Variants in POLI observed in about 807,000 individuals in gnomAD.
POLI encodes DNA polymerase iota.
Under a neutral mutation model 51.6 loss-of-function variants are expected in POLI, and 58 were observed. That is an observed-to-expected ratio of 1.12 (90% CI 0.91 to 1.40). POLI has a LOEUF of 1.40. Among genes scored for constraint, POLI ranks in the 40% most tolerant of loss-of-function variants. The pLI, the probability that POLI is intolerant of heterozygous loss-of-function variation, is 0.00. For missense variants in POLI, 921 were observed against 871.3 expected (o/e 1.06, Z -0.72); for synonymous variants, 322 against 299.7 (o/e 1.07, Z -0.77).
chr18:54,299,780 A>C (rs1381555485), downstream of POLI, among the ~76,000 whole-genome samples: 2 of 152,148 alleles, frequency 1.3e-5, no homozygotes, highest in Non-Finnish European at 2.9e-5. Context: ...GAGCTTGGCA[A>C]ATCCCAGGTA....
chr18:54,290,731 A>C (rs1305409182), intron 8 of POLI, among the ~76,000 whole-genome samples: 1 of 152,194 alleles, frequency 6.6e-6, no homozygotes, highest in Non-Finnish European at 1.5e-5. Flanking sequence ...TCACCAGGAT[A>C]GAAAACCACA....
rs1393988562 is a variant in POLI at position 54,269,555 on chromosome 18, G to C, written c.9G>C (p.Lys3Asn). Residue 3 changes from lysine (K) to asparagine (N), a missense_variant, in exon 1 of 10, where the codon AAG becomes AAC. Transcript: ENST00000579534. ME[K>N]LGVEPEEEGG... ...CGGTTGGCAGCGGCGGGATGGAGAA[G>C]CTGGGGGTGGAGCCGGAGGAGGAAG... 1 of 1,507,408 alleles carries C rather than the reference G, an allele frequency of 6.6e-7. No individual in the cohort carries two copies. Among genetic ancestry groups the C allele is most frequent in the South Asian group, 1.2e-5 (1 of 80,990 alleles). The allele number at this position is 1,507,408 out of a possible 1,614,324, so 93.4% of individuals were successfully genotyped here.
chr18:54,293,963 T>TA lies in POLI; in HGVS notation c.1725dup (p.Gln576ThrfsTer10), dbSNP rs1370198071. The stretch of plus-strand genomic sequence containing the variant: ...CTAGAGGAGTATTATCTTTCTTTTC[T>TA]AAAAAACAAATGCAAGATATTCCCA... On this transcript the variant is annotated frameshift_variant, in exon 10 of 10. Transcript: ENST00000579534. LOFTEE classifies it low-confidence loss of function (END_TRUNC). The TA allele has an allele frequency of 9.3e-6, 15 of 1,613,000 alleles. No homozygotes were observed. The East Asian group carries it at 3.1e-4, about 34-fold the overall frequency.
At position 54,283,754 on chromosome 18, in the gene POLI, G is replaced by T. The variant is rs2144529850; in HGVS notation, c.976-168G>T. The T allele has an allele frequency of 9.1e-6, 4 of 437,512 alleles. No individual in the cohort carries two copies. In the South Asian group the frequency reaches 1.7e-4, roughly 19 times the overall value. 27.1% of individuals were successfully genotyped at this position (437,512 alleles called of 1,614,324 possible). A position where few individuals can be genotyped will look rare whatever the true frequency, so the allele number is the denominator to read the frequency against. ...TATTAACTTTCTAGTGAGTACAATA[G>T]CTTGCAGATAAAAAACTGTTAATAT... On this transcript the variant is annotated intron_variant, in intron 6 of 9. Transcript: ENST00000579534.
chr18:54,301,478 T>A (rs1398126695), downstream of POLI, among the ~76,000 whole-genome samples: 1 of 152,188 alleles, frequency 6.6e-6, no homozygotes, highest in Non-Finnish European at 1.5e-5. Flanking sequence ...TTAAAAATTT[T>A]CAACTTCATA....
In POLI at chr18:54,294,243, C is replaced by T. The variant is rs2088177946; in HGVS notation, c.1999C>T (p.Leu667Phe). 6.2e-7 allele frequency: 1 copy of T among 1,613,704 alleles called. No individual in the cohort carries two copies. Among genetic ancestry groups the T allele is most frequent in the East Asian group, 2.2e-5 (1 of 44,860 alleles). ...HSFPNLQSEQ[L>F]FSRNHTTDSH... ...ATTTCCAAACTTGCAGAGTGAGCAA[C>T]TTTTCTCCAGAAACCACACTACAGA... The change falls in exon 10 of 10, where the codon CTT becomes TTT. Residue 667 changes from leucine to phenylalanine, a missense_variant. Leu to Phe is a conservative substitution (Grantham distance 22). Coordinates refer to ENST00000579534, the MANE Select transcript of POLI (RefSeq NM_007195.3).
chr18:54,299,848 G>A (rs2088461706), downstream of POLI, among the ~76,000 whole-genome samples: 1 of 152,168 alleles, frequency 6.6e-6, no homozygotes, highest in African/African-American at 2.4e-5. Flanking sequence ...CTTAAAACCA[G>A]TGATAAACAC....
Position 54,280,380 on chromosome 18 carries a change from A to G in POLI, c.560-287A>G, listed in dbSNP as rs2087440963. Among the ~76,000 whole-genome samples, 3 of 152,040 alleles carry G rather than the reference A, an allele frequency of 2.0e-5. No homozygotes were observed. The South Asian group carries it at 6.2e-4, about 32-fold the overall frequency. On this transcript the variant is annotated intron_variant, in intron 4 of 9. Coordinates refer to ENST00000579534, the MANE Select transcript of POLI (RefSeq NM_007195.3). ...TAACAACCAGCTGTCTTTGGAACTA[A>G]TACAGTCAGAAACTTACCCCTGAGG...
rs191107401 is a variant in POLI, at chr18:54,297,079, T to A, written c.*2612T>A. ...AACTCCTTGGCATACTCTATTCACC[T>A]TTGTGGATCCTGATTGAATGCCTTG... On this transcript the variant is annotated 3_prime_UTR_variant, in exon 10 of 10. Coordinates refer to ENST00000579534, the MANE Select transcript of POLI (RefSeq NM_007195.3). 4.4e-5 allele frequency: 43 copies of A among 985,360 alleles called. No individual in the cohort carries two copies. Among genetic ancestry groups the A allele is most frequent in the Middle Eastern group, 5.2e-4 (1 of 1,916 alleles). 61.0% of individuals were successfully genotyped at this position (985,360 alleles called of 1,614,324 possible).
chr18:54,317,731 G>A (rs375675469), intron 3 of POLI, among the ~76,000 whole-genome samples: 130 of 152,216 alleles, frequency 8.5e-4, no homozygotes, highest in African/African-American at 3.1e-3. Flanking sequence ...CCAGTGTGGT[G>A]GCATATGCCT....
rs567335144 is a variant in POLI, at chr18:54,273,075, G to A, written c.242-851G>A. Among the ~76,000 whole-genome samples, 8 of 152,068 alleles carry A rather than the reference G, an allele frequency of 5.3e-5. No homozygotes were observed. In the South Asian group the frequency reaches 1.7e-3, roughly 32 times the overall value. The stretch of plus-strand genomic sequence containing the variant: ...ATTTTAGGTGAACATTACTCTTACA[G>A]TGGTAAGCAAGTAGTCAACTTGTAT... On this transcript the variant is annotated intron_variant, in intron 2 of 9. Transcript: ENST00000579534.
intron 3 of POLI, among the ~76,000 whole-genome samples, chr18:54,319,499 C>G (rs1281468644): frequency 4.6e-5 from 7 of 151,876 alleles, no homozygotes; most frequent in Non-Finnish European, 8.8e-5. Context: ...CCAGTAATGT[C>G]TGAATATCTG....
At chr18:54,271,539 A>G (rs572535220) in intron 2 of POLI, 54 bp downstream of exon 2, 1 of 1,221,394 alleles carries the variant, frequency 8.2e-7, no homozygotes, top group South Asian at 1.4e-5. Context: ...TTAGCAACTC[A>G]TCATGCTCAT....
At chr18:54,270,507 G>T (rs1198186926) in intron 1 of POLI, 2 of 152,208 alleles carry the variant, frequency 1.3e-5, no homozygotes, top group African/African-American at 4.8e-5. Context: ...TGCAGAGCTA[G>T]ATCCCCCTAG....
downstream of POLI, among the ~76,000 whole-genome samples, chr18:54,301,061 C>T (rs1425096442): frequency 2.0e-5 from 3 of 152,150 alleles, no homozygotes; most frequent in Non-Finnish European, 2.9e-5. Flanking sequence ...GGGCAGATCA[C>T]AAGGTCAGGA....
chr18:54,307,293 G>A (rs889386844), intron 3 of POLI, among the ~76,000 whole-genome samples: 2 of 151,844 alleles, frequency 1.3e-5, no homozygotes, highest in African/African-American at 4.8e-5. Context: ...GGTACATTGT[G>A]TCTTTGTTTC....
chr18:54,288,317 T>C (rs1052511658), intron 8 of POLI, among the ~76,000 whole-genome samples: 1 of 152,148 alleles, frequency 6.6e-6, no homozygotes, highest in Non-Finnish European at 1.5e-5. Context: ...GTCACAGATA[T>C]TTTTTTCTGT....
In POLI at chr18:54,274,099, G is replaced by T; in HGVS notation, c.406+9G>T. The T allele has an allele frequency of 7.4e-7, 1 of 1,355,150 alleles. No homozygotes were observed. The highest frequency in any genetic ancestry group is 9.7e-7 in the Non-Finnish European group (1 of 1,035,330). The allele number at this position is 1,355,150 out of a possible 1,614,324, so 83.9% of individuals were successfully genotyped here. On this transcript the variant is annotated intron_variant, in intron 3 of 9. Transcript: ENST00000579534. ...GTCTTATAAGGTTACAGGTACAAAT[G>T]ATAAGCAATGTACTTTTAGCATTAA...
In POLI at chr18:54,294,706, A is replaced by G. The variant is rs2088218040; in HGVS notation, c.*239A>G. The G allele has an allele frequency of 6.4e-6, 7 of 1,101,026 alleles. No individual in the cohort carries two copies. Among genetic ancestry groups the G allele is most frequent in the African/African-American group, 1.6e-5 (1 of 61,238 alleles). The allele number at this position is 1,101,026 out of a possible 1,614,324, so 68.2% of individuals were successfully genotyped here. A position where few individuals can be genotyped will look rare whatever the true frequency, so the allele number is the denominator to read the frequency against. On this transcript the variant is annotated 3_prime_UTR_variant, in exon 10 of 10. Transcript: ENST00000579534. ...AGCCATTTTATATTACTTTTCAATA[A>G]AAAGAATATCATGGTCAACATAGAA...
Sources: allele counts gnomAD v4.1 joint callset (sites outside exome capture counted in the v4.1 genomes callset), GRCh38; gene constraint gnomAD v4.1.1; transcripts MANE v1.5; gene names NCBI Gene and HGNC (gene_info 2026-07-23, HGNC 2026-07-21).